The following CSMD1 variants were observed in gnomAD, a reference collection of about 807,000 sequenced individuals.
CSMD1 encodes the protein CUB and sushi domain-containing protein 1.
Under a neutral mutation model 417.5 loss-of-function variants are expected in CSMD1, and 213 were observed. The observed-to-expected ratio is 0.51, with a 90% CI of 0.46 to 0.57. CSMD1 has a LOEUF of 0.57. Ranked by LOEUF, CSMD1 falls within the 20% of genes least tolerant of loss-of-function variation. The probability of loss-of-function intolerance (pLI) is 0.00; values close to 1 mark genes in which losing one functional copy is unlikely to be tolerated. For synonymous variants in CSMD1, 2,862 were observed against 1,736.8 expected, an observed-to-expected ratio of 1.65 and a Z score of -16.11; for missense variants, 6,923 against 4,529.7, an observed-to-expected ratio of 1.53 and a Z score of -15.17.
At chr8:3,769,879 G>C (rs924792419) in intron 5 of CSMD1, among the ~76,000 whole-genome samples, 2 of 152,214 alleles carry the variant, frequency 1.3e-5, no homozygotes, top group African/African-American at 4.8e-5. Context: ...TGTGTCAGAA[G>C]GGATGTAGCT....
intron 3 of CSMD1, among the ~76,000 whole-genome samples, chr8:4,111,969 C>T (rs1032401903): frequency 6.6e-6 from 1 of 152,110 alleles, no homozygotes; most frequent in African/African-American, 2.4e-5. Flanking sequence ...ATTTTACATA[C>T]ATAGTTTTTT....
At position 4,745,550 on chromosome 8, in the gene CSMD1, A is replaced by C. The variant is rs142199969; in HGVS notation, c.86-107992T>G. Reference sequence around the variant, plus strand: ...CAGGCTTTTGTTTGTTCATCTGACTATTCACTTATTGAAATGTAGCAGACA... The same window carrying C: ...CAGGCTTTTGTTTGTTCATCTGACTCTTCACTTATTGAAATGTAGCAGACA... On this transcript the variant is annotated intron_variant, in intron 1 of 69. Coordinates refer to ENST00000635120, the MANE Select transcript of CSMD1 (RefSeq NM_033225.6). Among the ~76,000 whole-genome samples the C allele has an allele frequency of 3.4e-3, 524 of 152,304 alleles. 4 individuals carry two copies. The highest frequency in any genetic ancestry group is 0.011 in the African/African-American group (466 of 41,572).
intron 3 of CSMD1, among the ~76,000 whole-genome samples, chr8:4,321,590 A>C (rs1031220999): frequency 6.6e-6 from 1 of 152,184 alleles, no homozygotes; most frequent in Non-Finnish European, 1.5e-5. Flanking sequence ...TATCTGGTAT[A>C]TAACAGGCAC....
chr8:3,608,078 C>T (rs751248252), intron 8 of CSMD1, among the ~76,000 whole-genome samples: 2 of 150,110 alleles, frequency 1.3e-5, no homozygotes, highest in Admixed American at 6.7e-5. Flanking sequence ...AGGCTGAGGC[C>T]GGAGAATTGT....
intron 7 of CSMD1, among the ~76,000 whole-genome samples, chr8:3,629,162 C>T (rs1584985425): frequency 1.3e-5 from 2 of 151,958 alleles, no homozygotes; most frequent in African/African-American, 2.4e-5. Context: ...CCGGGATGTT[C>T]GCAGGACGCA....
At chr8:3,540,686 G>GA (rs769240420) in intron 10 of CSMD1, among the ~76,000 whole-genome samples, 5 of 151,042 alleles carry the variant, frequency 3.3e-5, no homozygotes, top group African/African-American at 4.9e-5. Context: ...AAATTTACAA[G>GA]AAAAAAAACA....
intron 23 of CSMD1, among the ~76,000 whole-genome samples, chr8:3,320,235 G>A (rs1309493161): frequency 6.6e-6 from 1 of 152,172 alleles, no homozygotes; most frequent in Non-Finnish European, 1.5e-5. Context: ...CTAGTTTGGA[G>A]AGGGACGGAG....
chr8:3,255,587 C>A (rs921975879), intron 26 of CSMD1, among the ~76,000 whole-genome samples: 16 of 152,344 alleles, frequency 1.1e-4, no homozygotes, highest in African/African-American at 3.8e-4. Context: ...CTCTCCCAGC[C>A]TTGCTGCAGC....
intron 46 of CSMD1, among the ~76,000 whole-genome samples, chr8:3,098,891 T>A (rs1329631514): frequency 1.3e-5 from 2 of 151,768 alleles, no homozygotes; most frequent in Non-Finnish European, 2.9e-5. Context: ...ATACACAATT[T>A]TTTTTTTTTT....
At chr8:3,821,263 C>G (rs1801720050) in intron 5 of CSMD1, among the ~76,000 whole-genome samples, 1 of 152,082 alleles carries the variant, frequency 6.6e-6, no homozygotes, top group Non-Finnish European at 1.5e-5. Context: ...ACTAAAATAA[C>G]AATCAAAAGT....
At chr8:3,943,697 A>G (rs955967416) in intron 5 of CSMD1, among the ~76,000 whole-genome samples, 3 of 152,184 alleles carry the variant, frequency 2.0e-5, no homozygotes, top group African/African-American at 4.8e-5. Flanking sequence ...TGAAGACACA[A>G]TGCCAATTCT....
At chr8:4,307,489 T>C (rs886861638) in intron 3 of CSMD1, among the ~76,000 whole-genome samples, 1 of 152,112 alleles carries the variant, frequency 6.6e-6, no homozygotes, top group Non-Finnish European at 1.5e-5. Flanking sequence ...TAACAGGAAA[T>C]AAAACTTCAC....
At chr8:3,432,575 T>C (rs1320269803) in intron 12 of CSMD1, among the ~76,000 whole-genome samples, 1 of 145,038 alleles carries the variant, frequency 6.9e-6, no homozygotes. Flanking sequence ...AGTGGTGCGA[T>C]CTTGGCTCAC....
intron 26 of CSMD1, among the ~76,000 whole-genome samples, chr8:3,261,273 T>C (rs535347306): frequency 6.6e-4 from 101 of 152,338 alleles, no homozygotes; most frequent in African/African-American, 2.3e-3. Flanking sequence ...GGTGAGAATG[T>C]AAAATGGTAC....
chr8:4,597,947 G>C (rs1800373751), intron 2 of CSMD1, among the ~76,000 whole-genome samples: 1 of 151,732 alleles, frequency 6.6e-6, no homozygotes, highest in African/African-American at 2.4e-5. Flanking sequence ...AAACATCATT[G>C]TCATCTCTAA....
At chr8:4,752,212 C>G (rs765834400) in intron 1 of CSMD1, among the ~76,000 whole-genome samples, 7 of 152,076 alleles carry the variant, frequency 4.6e-5, no homozygotes, top group Non-Finnish European at 1.0e-4. Context: ...ATAAACAGTA[C>G]TATCATATCT....
chr8:4,919,746 A>G (rs1251300143), intron 1 of CSMD1, among the ~76,000 whole-genome samples: 3 of 152,184 alleles, frequency 2.0e-5, no homozygotes, highest in African/African-American at 4.8e-5. Context: ...TGGGCCTAGA[A>G]TAAGTGATTA....
chr8:3,703,436 TTTCATTCATTCATTCATTCATTCA>T (rs199822463), intron 7 of CSMD1, among the ~76,000 whole-genome samples: 1 of 149,928 alleles, frequency 6.7e-6, no homozygotes, highest in Non-Finnish European at 1.5e-5. Flanking sequence ...CTTTCTCCCT[TTTCATTCATTCATTCATTCATTCA>T]TTCATTCATT....
At chr8:4,890,501 T>C (rs1804043985) in intron 1 of CSMD1, among the ~76,000 whole-genome samples, 1 of 150,654 alleles carries the variant, frequency 6.6e-6, no homozygotes, top group Admixed American at 6.6e-5. Context: ...GCCATGGGTA[T>C]CCTGGGCAGG....
Sources: allele counts gnomAD v4.1 joint callset (sites outside exome capture counted in the v4.1 genomes callset), GRCh38; gene constraint gnomAD v4.1.1; transcripts MANE v1.5; gene names NCBI Gene and HGNC (gene_info 2026-07-23, HGNC 2026-07-21).